GRM3: variants seen among roughly 807,000 people sequenced by gnomAD.
The protein encoded by GRM3 is metabotropic glutamate receptor 3.
Under a neutral mutation model 70.5 loss-of-function variants are expected in GRM3, and 26 were observed. That is an observed-to-expected ratio of 0.37 (90% CI 0.27 to 0.51). GRM3 has a LOEUF of 0.51. Ranked by LOEUF, GRM3 falls within the 20% of genes least tolerant of loss-of-function variation. The pLI is 0.93. For missense variants in GRM3, 859 were observed against 1,123.8 expected (o/e 0.76, Z 3.37); for synonymous variants, 443 against 434.9 (o/e 1.02, Z -0.23).
Position 86,786,442 on chromosome 7 carries a change from C to T in GRM3, c.650C>T (p.Ala217Val). ...AACTGGACCTACGTGTCCACAGTAGCCTCCGAGGGTGATTACGGGGAGACA... is the reference window on the plus strand; with the variant it reads ...AACTGGACCTACGTGTCCACAGTAGTCTCCGAGGGTGATTACGGGGAGACA... ...FFNWTYVSTV[A>V]SEGDYGETGI... The change falls in exon 3 of 6, where the codon GCC (alanine) becomes GTC (valine). Residue 217 changes from alanine (A) to valine (V), a missense_variant. Transcript: ENST00000361669. The surrounding 1 kb of genome is among the most constrained non-coding windows in gnomAD (Gnocchi z 6.0). 1 of 1,614,220 alleles carries T rather than the reference C, an allele frequency of 6.2e-7. No homozygotes were observed.
chr7:86,656,559 G>A (rs1793751371), intron 1 of GRM3, among the ~76,000 whole-genome samples: 1 of 151,674 alleles, frequency 6.6e-6, no homozygotes, highest in South Asian at 2.1e-4. Flanking sequence ...ACCTTGACTG[G>A]GCTTTGTGAT....
intron 3 of GRM3, among the ~76,000 whole-genome samples, chr7:86,798,671 G>T (rs1022448654): frequency 1.3e-5 from 2 of 152,182 alleles, no homozygotes; most frequent in African/African-American, 2.4e-5. Flanking sequence ...GACTTTGGGG[G>T]ACTCTTGGAA....
rs753611025 is a variant in GRM3 at position 86,786,608 on chromosome 7, G to C, written c.816G>C (p.Val272=). ...ELLQKPNARV[V]VLFMRSDDSR... ...TGCAGAAGCCCAACGCGCGCGTCGT[G>C]GTCCTCTTCATGCGCAGCGACGACT... Residue 272 remains valine (V), a synonymous_variant, in exon 3 of 6, where the codon GTG becomes GTC. Transcript: ENST00000361669. The surrounding 1 kb of genome is among the most constrained non-coding windows in gnomAD (Gnocchi z 6.0). The C allele has an allele frequency of 9.3e-6, 15 of 1,613,276 alleles. No individual in the cohort carries two copies. Among genetic ancestry groups the C allele is most frequent in the Non-Finnish European group, 8.5e-7 (1 of 1,180,024 alleles).
intron 1 of GRM3, among the ~76,000 whole-genome samples, chr7:86,699,593 T>C (rs1161377520): frequency 2.0e-5 from 3 of 152,088 alleles, no homozygotes; most frequent in Non-Finnish European, 2.9e-5. Flanking sequence ...TCTTAAAATA[T>C]TCTTTGGTTT....
intron 1 of GRM3, among the ~76,000 whole-genome samples, chr7:86,681,414 T>C (rs1452975009): frequency 6.6e-6 from 1 of 152,172 alleles, no homozygotes; most frequent in East Asian, 1.9e-4. Context: ...CTTTTTCCTC[T>C]TTTTCTATAT....
At chr7:86,708,270 C>G (rs1423590095) in intron 1 of GRM3, among the ~76,000 whole-genome samples, 1 of 152,130 alleles carries the variant, frequency 6.6e-6, no homozygotes, top group Non-Finnish European at 1.5e-5. Context: ...CATTCAGGCT[C>G]CATGCCCAGT....
intron 1 of GRM3, among the ~76,000 whole-genome samples, chr7:86,676,351 T>C (rs1794305556): frequency 6.6e-6 from 1 of 152,020 alleles, no homozygotes; most frequent in African/African-American, 2.4e-5. Context: ...AGTGTAAGAC[T>C]GAATACCATG....
chr7:86,645,321 A>G (rs111430296), intron 1 of GRM3, among the ~76,000 whole-genome samples: 3 of 152,346 alleles, frequency 2.0e-5, no homozygotes, highest in African/African-American at 7.2e-5. Flanking sequence ...GGCAACGGTC[A>G]GCGAGACCTG....
At chr7:86,722,267 A>G (rs1388924908) in intron 1 of GRM3, among the ~76,000 whole-genome samples, 1 of 152,078 alleles carries the variant, frequency 6.6e-6, no homozygotes, top group East Asian at 1.9e-4. Flanking sequence ...TACCCAAAGG[A>G]TTATAAATCA....
chr7:86,823,338 T>C (rs1362818566), intron 3 of GRM3, among the ~76,000 whole-genome samples: 1 of 151,756 alleles, frequency 6.6e-6, no homozygotes, highest in Admixed American at 6.6e-5. Flanking sequence ...TTCATCTCCT[T>C]TTTTTTTCCT....
intron 1 of GRM3, among the ~76,000 whole-genome samples, chr7:86,721,370 C>T (rs988407655): frequency 6.6e-6 from 1 of 151,918 alleles, no homozygotes; most frequent in African/African-American, 2.4e-5. Context: ...TCATTTGACC[C>T]CTAAAAACCT....
chr7:86,849,490 T>A (rs1211220138), intron 4 of GRM3, among the ~76,000 whole-genome samples: 3 of 152,186 alleles, frequency 2.0e-5, no homozygotes, highest in Non-Finnish European at 2.9e-5. Flanking sequence ...CAGTTATGTG[T>A]TCAGTCTTCA....
intron 1 of GRM3, among the ~76,000 whole-genome samples, chr7:86,748,459 G>A (rs185837490): frequency 6.6e-6 from 1 of 152,068 alleles, no homozygotes; most frequent in East Asian, 1.9e-4. Flanking sequence ...GGCACCACAT[G>A]CAGACTAGAT....
chr7:86,717,190 T>G (rs940748278), intron 1 of GRM3, among the ~76,000 whole-genome samples: 1 of 151,974 alleles, frequency 6.6e-6, no homozygotes, highest in African/African-American at 2.4e-5. Context: ...TAACTCCCCA[T>G]GTAGTTTTGT....
chr7:86,728,275 C>G (rs1453125063), intron 1 of GRM3, among the ~76,000 whole-genome samples: 1 of 152,174 alleles, frequency 6.6e-6, no homozygotes, highest in Non-Finnish European at 1.5e-5. Flanking sequence ...CTGGCAGGAG[C>G]ATTCTCCATC....
At chr7:86,714,237 G>C (rs1562835273) in intron 1 of GRM3, among the ~76,000 whole-genome samples, 1 of 152,052 alleles carries the variant, frequency 6.6e-6, no homozygotes, top group African/African-American at 2.4e-5. Context: ...TTTTGGCTCT[G>C]CCTCTAAGGA....
chr7:86,738,975 G>C (rs190077878), intron 1 of GRM3, among the ~76,000 whole-genome samples: 1 of 152,110 alleles, frequency 6.6e-6, no homozygotes, highest in African/African-American at 2.4e-5. Flanking sequence ...TGTACACCAG[G>C]TCTCTTTTTG....
intron 1 of GRM3, among the ~76,000 whole-genome samples, chr7:86,682,447 A>G (rs1157717728): frequency 6.6e-6 from 1 of 152,156 alleles, no homozygotes; most frequent in East Asian, 1.9e-4. Flanking sequence ...GAAAATGATG[A>G]CCACTAGATT....
At chr7:86,739,541 A>C (rs770171940) in intron 1 of GRM3, among the ~76,000 whole-genome samples, 67 of 152,202 alleles carry the variant, frequency 4.4e-4, no homozygotes, top group Non-Finnish European at 7.6e-4. Flanking sequence ...GGAATGAACT[A>C]AATCAGTGGT....
Sources: gnomAD v4.1 joint callset for allele counts (sites outside exome capture counted in the v4.1 genomes callset) on GRCh38, gnomAD v4.1.1 for gene constraint, Gnocchi (gnomAD v3.1) non-coding constraint, MANE v1.5 for transcripts, NCBI Gene and HGNC (gene_info 2026-07-23, HGNC 2026-07-21) for gene names.